ALDH1A1: variants seen among roughly 807,000 people sequenced by gnomAD.
The protein encoded by ALDH1A1 is aldehyde dehydrogenase 1A1.
Under a neutral mutation model 62.1 loss-of-function variants are expected in ALDH1A1, and 19 were observed. The observed-to-expected ratio is 0.31, with a 90% CI of 0.21 to 0.45. The LOEUF (loss-of-function observed/expected upper bound fraction) is 0.45. ALDH1A1 is among the 20% of genes least tolerant of loss of function. The probability of loss-of-function intolerance (pLI) is 1.00; values close to 1 mark genes in which losing one functional copy is unlikely to be tolerated. For missense variants in ALDH1A1, 521 were observed against 607.1 expected, an observed-to-expected ratio of 0.86 and a Z score of 1.49; for synonymous variants, 231 against 215.9, an observed-to-expected ratio of 1.07 and a Z score of -0.61.
chr9:72,920,567 TA>T (rs1830127745), intron 7 of ALDH1A1, among the ~76,000 whole-genome samples: 1 of 152,226 alleles, frequency 6.6e-6, no homozygotes, highest in South Asian at 2.1e-4. Flanking sequence ...AAATCAAATA[TA>T]TTTTTGTAAA....
chr9:72,946,462 C>T (rs193185900), intron 1 of ALDH1A1, among the ~76,000 whole-genome samples: 21 of 151,930 alleles, frequency 1.4e-4, no homozygotes, highest in Middle Eastern at 3.4e-3. Context: ...ATCAGAAAAC[C>T]CAATATTAGC....
intron 1 of ALDH1A1, among the ~76,000 whole-genome samples, chr9:72,951,025 T>A (rs1830538311): frequency 6.6e-6 from 1 of 151,896 alleles, no homozygotes; most frequent in Non-Finnish European, 1.5e-5. Flanking sequence ...ACCAATAAAT[T>A]AAACAATAAA....
chr9:72,923,293 C>A (rs1488249764), intron 7 of ALDH1A1, among the ~76,000 whole-genome samples: 1 of 152,158 alleles, frequency 6.6e-6, no homozygotes, highest in Non-Finnish European at 1.5e-5. Context: ...TACTGTGTAC[C>A]AATGAATAAC....
At chr9:72,930,144 T>G (rs4237254) in intron 3 of ALDH1A1, among the ~76,000 whole-genome samples, 71,718 of 151,954 alleles carry the variant, frequency 0.47, 17,709 homozygotes, top group South Asian at 0.57. Context: ...TCTTGGTATT[T>G]GTTTATGTTA....
chr9:72,946,531 C>T (rs1316390384), intron 1 of ALDH1A1, among the ~76,000 whole-genome samples: 1 of 151,946 alleles, frequency 6.6e-6, no homozygotes, highest in East Asian at 1.9e-4. Flanking sequence ...TTGCTATATA[C>T]ATCTATACAC....
chr9:72,909,263 G>A (rs1162551867), intron 11 of ALDH1A1, among the ~76,000 whole-genome samples: 1 of 142,442 alleles, frequency 7.0e-6, no homozygotes, highest in Admixed American at 7.7e-5. Flanking sequence ...CCAGGCTCAA[G>A]CAATTCTCCT....
At chr9:72,934,462 G>A (rs1272138986) in intron 2 of ALDH1A1, among the ~76,000 whole-genome samples, 2 of 152,048 alleles carry the variant, frequency 1.3e-5, no homozygotes, top group Non-Finnish European at 2.9e-5. Flanking sequence ...CAAGGTCAAA[G>A]TCCTCCCTGG....
chr9:72,926,625 TC>T (rs1311310721), intron 5 of ALDH1A1, among the ~76,000 whole-genome samples: 2 of 152,344 alleles, frequency 1.3e-5, no homozygotes, highest in African/African-American at 4.8e-5. Context: ...CCTCTGGTAT[TC>T]TTTTTTCCAT....
chr9:72,929,782 C>T (rs1178508221), intron 3 of ALDH1A1, among the ~76,000 whole-genome samples: 1 of 152,168 alleles, frequency 6.6e-6, no homozygotes, highest in African/African-American at 2.4e-5. Flanking sequence ...ACTACACTCT[C>T]TATCATGTCA....
chr9:72,902,309 C>G (rs1213242386), intron 12 of ALDH1A1, among the ~76,000 whole-genome samples: 1 of 151,962 alleles, frequency 6.6e-6, no homozygotes, highest in Non-Finnish European at 1.5e-5. Flanking sequence ...AGAGTAGTCT[C>G]AAAATCATAA....
chr9:72,923,068 A>G (rs1830162310), intron 7 of ALDH1A1, among the ~76,000 whole-genome samples: 1 of 152,226 alleles, frequency 6.6e-6, no homozygotes, highest in Admixed American at 6.5e-5. Flanking sequence ...ACTATCTGGA[A>G]TGTCTTTTTT....
rs1010541597 is a variant in ALDH1A1 at position 72,916,492 on chromosome 9, T to C, written c.1035+428A>G. 5.9e-5 allele frequency among the ~76,000 whole-genome samples: 9 copies of C among 152,212 alleles called. No individual in the cohort carries two copies. In the East Asian group the frequency reaches 9.7e-4, roughly 16 times the overall value. ...ACGATTAGGGGGTCAGAGTAACCGA[T>C]GACTTGCAGAGGATTTAGGGGAGTG... On this transcript the variant is annotated intron_variant, in intron 9 of 12. Transcript: ENST00000297785.
intron 7 of ALDH1A1, among the ~76,000 whole-genome samples, chr9:72,921,299 C>T (rs1360874001): frequency 6.6e-6 from 1 of 150,970 alleles, no homozygotes; most frequent in African/African-American, 2.4e-5. Context: ...AATGGAGGGT[C>T]TTTGCTACAA....
At chr9:72,912,594 A>T (rs930503859) in intron 9 of ALDH1A1, among the ~76,000 whole-genome samples, 1 of 151,982 alleles carries the variant, frequency 6.6e-6, no homozygotes, top group African/African-American at 2.4e-5. Flanking sequence ...CCTCTGTTTG[A>T]TCTCCCCATT....
At chr9:72,935,805 A>G (rs1253764776) in intron 2 of ALDH1A1, among the ~76,000 whole-genome samples, 1 of 151,624 alleles carries the variant, frequency 6.6e-6, no homozygotes, top group East Asian at 1.9e-4. Context: ...AATCCCTAAA[A>G]CCTCTTGGCT....
intron 12 of ALDH1A1, among the ~76,000 whole-genome samples, chr9:72,904,303 A>G (rs1051067389): frequency 7.2e-5 from 11 of 152,122 alleles, no homozygotes; most frequent in African/African-American, 2.7e-4. Context: ...ATGGCTTTTC[A>G]CTACTCCACT....
chr9:72,914,430 A>G (rs1458277333), intron 9 of ALDH1A1, among the ~76,000 whole-genome samples: 1 of 152,120 alleles, frequency 6.6e-6, no homozygotes, highest in Admixed American at 6.6e-5. Context: ...ATTCTTCAAG[A>G]TTGAGGTTTC....
chr9:72,901,876 G>A lies in ALDH1A1; in HGVS notation c.1434-596C>T, dbSNP rs949228487. Among the ~76,000 whole-genome samples the A allele has an allele frequency of 2.6e-5, 4 of 152,088 alleles. 1 individual carries two copies. Among genetic ancestry groups the A allele is most frequent in the Admixed American group, 2.0e-4 (3 of 15,276 alleles). Reference sequence around the variant, plus strand: ...TTTTTAGTCTGAGGTGCCCTAAGATGGCTTGAAACAAAATATTTTGCAGCA... The same window carrying A: ...TTTTTAGTCTGAGGTGCCCTAAGATAGCTTGAAACAAAATATTTTGCAGCA... On this transcript the variant is annotated intron_variant, in intron 12 of 12. Transcript: ENST00000297785.
At chr9:72,923,146 A>C (rs574782469) in intron 7 of ALDH1A1, among the ~76,000 whole-genome samples, 1 of 152,138 alleles carries the variant, frequency 6.6e-6, no homozygotes, top group South Asian at 2.1e-4. Flanking sequence ...TCTAGTACCC[A>C]TTTGGACATC....
Sources: allele counts gnomAD v4.1 joint callset (sites outside exome capture counted in the v4.1 genomes callset), GRCh38; gene constraint gnomAD v4.1.1; transcripts MANE v1.5; gene names NCBI Gene and HGNC (gene_info 2026-07-23, HGNC 2026-07-21).